The following SERPINA6 variants were observed in gnomAD, a reference collection of about 807,000 sequenced individuals.
The protein encoded by SERPINA6 is serpin family A member 6, also known as corticosteroid-binding globulin.
Under a neutral mutation model 26.4 loss-of-function variants are expected in SERPINA6, and 19 were observed. The ratio of observed to expected loss-of-function variants is 0.72; its 90% CI spans 0.50 to 1.06. SERPINA6 has a LOEUF of 1.06. SERPINA6 is among the 50% of genes least tolerant of loss of function. The pLI is 0.00. For synonymous variants in SERPINA6, 196 were observed against 199.4 expected (o/e 0.98, Z 0.14); for missense variants, 473 against 504.0 (o/e 0.94, Z 0.59).
At chr14:94,304,841 A>G (rs1188807436) in intron 4 of SERPINA6, among the ~76,000 whole-genome samples, 1 of 152,184 alleles carries the variant, frequency 6.6e-6, no homozygotes, top group African/African-American at 2.4e-5. Context: ...TGGGCCCATC[A>G]CATGGAGATT....
chr14:94,313,812 C>T, intron 2 of SERPINA6: 1 of 682,586 alleles, frequency 1.5e-6, no homozygotes, highest in South Asian at 1.6e-5. Flanking sequence ...AACCAACCTG[C>T]CAGAATGTAG....
chr14:94,313,654 TTTGGGGGCATCTGGGAG>T (rs1895565180), intron 2 of SERPINA6, among the ~76,000 whole-genome samples: 1 of 152,152 alleles, frequency 6.6e-6, no homozygotes, highest in African/African-American at 2.4e-5. Flanking sequence ...GCAGGATGGC[TTTGGGGGCATCTGGGAG>T]TTCCCAAGGG....
At chr14:94,323,025 G>GT (rs1294889825) in intron 1 of SERPINA6, among the ~76,000 whole-genome samples, 1 of 152,214 alleles carries the variant, frequency 6.6e-6, no homozygotes, top group African/African-American at 2.4e-5. Context: ...ACAGCCCTCT[G>GT]TGTCAGCCCC....
chr14:94,319,174 C>G (rs1246266262), intron 1 of SERPINA6, among the ~76,000 whole-genome samples: 3 of 152,270 alleles, frequency 2.0e-5, no homozygotes, highest in Non-Finnish European at 2.9e-5. Flanking sequence ...GTTGGCACAC[C>G]AGGCATGATG....
At chr14:94,313,203 A>G (rs1025449533) in intron 2 of SERPINA6, among the ~76,000 whole-genome samples, 11 of 152,258 alleles carry the variant, frequency 7.2e-5, no homozygotes, top group African/African-American at 2.7e-4. Context: ...AGGGCTCATG[A>G]GACAGAAGAG....
chr14:94,321,449 A>G (rs2139729179), intron 1 of SERPINA6, among the ~76,000 whole-genome samples: 1 of 152,228 alleles, frequency 6.6e-6, no homozygotes, highest in East Asian at 1.9e-4. Context: ...CCACAGCAAC[A>G]CTGGGTGCCA....
chr14:94,316,198 A>G (rs926611857), intron 1 of SERPINA6, among the ~76,000 whole-genome samples: 2 of 152,162 alleles, frequency 1.3e-5, no homozygotes, highest in African/African-American at 4.8e-5. Context: ...ATTGATTTCT[A>G]ACTGCATCTC....
In SERPINA6 at chr14:94,306,106, G is replaced by A. The variant is rs200104515; in HGVS notation, c.997C>T (p.Arg333Cys). The A allele has an allele frequency of 1.7e-5, 28 of 1,614,186 alleles. No individual in the cohort carries two copies. The East Asian group carries it at 3.3e-4, about 19-fold the overall frequency. ...DLFTNQANFS[R>C]ITQDAQLKSS... ...TTCAGCTGGGCGTCCTGGGTGATGC[G>A]TGAGAAATTTGCCTGGTTGGTGAAC... The change falls in exon 4 of 5, where the codon CGC becomes TGC. Residue 333 changes from arginine (R) to cysteine (C), a missense_variant. By Grantham distance (180) the Arg-to-Cys change is radical. Transcript: ENST00000341584.
At chr14:94,322,705 T>A (rs1895700512) in intron 1 of SERPINA6, among the ~76,000 whole-genome samples, 1 of 152,238 alleles carries the variant, frequency 6.6e-6, no homozygotes, top group African/African-American at 2.4e-5. Flanking sequence ...TGACCTTCTG[T>A]AGTGAAACCT....
At chr14:94,319,497 G>C (rs1895655173) in intron 1 of SERPINA6, among the ~76,000 whole-genome samples, 1 of 152,146 alleles carries the variant, frequency 6.6e-6, no homozygotes, top group African/African-American at 2.4e-5. Context: ...AACTTGAAAA[G>C]ATAATTGTAG....
chr14:94,319,145 A>G (rs1265696480), intron 1 of SERPINA6, among the ~76,000 whole-genome samples: 1 of 152,332 alleles, frequency 6.6e-6, no homozygotes, highest in African/African-American at 2.4e-5. Flanking sequence ...TAACAGACAA[A>G]CAAAACAGAA....
At position 94,306,897 on chromosome 14, in the gene SERPINA6, C is replaced by A. The variant is rs570983919; in HGVS notation, c.885-679G>T. On this transcript the variant is annotated intron_variant, in intron 3 of 4. Coordinates refer to ENST00000341584, the MANE Select transcript of SERPINA6 (RefSeq NM_001756.4). ...GTGTTATTTTTAAATTCTTCTTGTG[C>A]CTTCTCCCCAGAGGGAGAGCAGATG... Among the ~76,000 whole-genome samples the A allele has an allele frequency of 3.3e-5, 5 of 152,284 alleles. No homozygotes were observed. The East Asian group carries it at 9.7e-4, about 29-fold the overall frequency.
intron 2 of SERPINA6, among the ~76,000 whole-genome samples, chr14:94,311,125 C>T (rs959122041): frequency 9.9e-5 from 15 of 152,204 alleles, no homozygotes; most frequent in African/African-American, 3.1e-4. Context: ...GCCATGGCTG[C>T]GGAGTCTAGA....
At chr14:94,321,266 CT>C (rs775808031) in intron 1 of SERPINA6, among the ~76,000 whole-genome samples, 2 of 152,086 alleles carry the variant, frequency 1.3e-5, no homozygotes, top group African/African-American at 2.4e-5. Context: ...GCAGCTGCAT[CT>C]TTTTAAATTC....
At chr14:94,306,451 CT>C (rs1295849645) in intron 3 of SERPINA6, among the ~76,000 whole-genome samples, 1 of 152,230 alleles carries the variant, frequency 6.6e-6, no homozygotes, top group Non-Finnish European at 1.5e-5. Context: ...ATTGCACATT[CT>C]TTTCTTCTCT....
At chr14:94,320,729 T>TC (rs35005652) in intron 1 of SERPINA6, among the ~76,000 whole-genome samples, 7 of 152,072 alleles carry the variant, frequency 4.6e-5, no homozygotes, top group South Asian at 2.1e-4. Flanking sequence ...AGGTGGGAAC[T>TC]CCCCCGCAAA....
In SERPINA6 at chr14:94,319,827, G is replaced by A. The variant is rs1245487217; in HGVS notation, c.-20+3440C>T. 5.3e-5 allele frequency among the ~76,000 whole-genome samples: 8 copies of A among 152,122 alleles called. No homozygotes were observed. The South Asian group carries it at 1.5e-3, about 28-fold the overall frequency. ...GAGATTGGGGAGTTATTGTTGAGTG[G>A]GTATAGAGTTTCAGTCTGGGATGAT... On this transcript the variant is annotated intron_variant, in intron 1 of 4. Transcript: ENST00000341584.
chr14:94,307,467 A>G (rs1895458500), intron 3 of SERPINA6, among the ~76,000 whole-genome samples: 1 of 152,222 alleles, frequency 6.6e-6, no homozygotes, highest in Non-Finnish European at 1.5e-5. Context: ...ATTATTGATT[A>G]ATGTTGCTCA....
At chr14:94,309,706 A>C in intron 3 of SERPINA6, 30 bp downstream of exon 3, 1 of 1,612,890 alleles carries the variant, frequency 6.2e-7, no homozygotes, top group Non-Finnish European at 8.5e-7. Flanking sequence ...CGTGCATTGC[A>C]GAAATCAACA....
Sources: allele counts gnomAD v4.1 joint callset (sites outside exome capture counted in the v4.1 genomes callset), GRCh38; gene constraint gnomAD v4.1.1; transcripts MANE v1.5; gene names NCBI Gene and HGNC (gene_info 2026-07-23, HGNC 2026-07-21).